C8orf34: variants seen among roughly 807,000 people sequenced by gnomAD.
C8orf34 encodes uncharacterized protein C8orf34.
Under a neutral mutation model 68.3 loss-of-function variants are expected in C8orf34, and 65 were observed. That is an observed-to-expected ratio of 0.95 (90% CI 0.78 to 1.17). C8orf34 has a LOEUF of 1.17. Ranked by LOEUF, C8orf34 falls within the 50% of genes most tolerant of loss-of-function variation. C8orf34 has a pLI of 0.00. For missense variants in C8orf34, 664 were observed against 655.4 expected, an observed-to-expected ratio of 1.01 and a Z score of -0.14; for synonymous variants, 244 against 241.2, an observed-to-expected ratio of 1.01 and a Z score of -0.11.
intron 7 of C8orf34, among the ~76,000 whole-genome samples, chr8:68,538,397 C>T (rs986340679): frequency 2.6e-5 from 4 of 151,134 alleles, no homozygotes. Context: ...GTGCTGGTGA[C>T]TACATATGAC....
At chr8:68,603,558 T>C (rs879738273) in intron 7 of C8orf34, among the ~76,000 whole-genome samples, 37,836 of 149,450 alleles carry the variant, frequency 0.25, 6,676 homozygotes, top group African/African-American at 0.5. Context: ...TCTATCTATC[T>C]ATCTATCTAT....
At chr8:68,792,197 A>G (rs573508653) in intron 12 of C8orf34, 1 of 152,296 alleles carries the variant, frequency 6.6e-6, no homozygotes, top group South Asian at 2.1e-4. Flanking sequence ...AGCAAATGCT[A>G]AAAACACTAG....
At chr8:68,768,568 CT>C (rs1823247950) in intron 10 of C8orf34, among the ~76,000 whole-genome samples, 1 of 152,182 alleles carries the variant, frequency 6.6e-6, no homozygotes, top group South Asian at 2.1e-4. Flanking sequence ...TGAAAAGTGA[CT>C]CTAGAATTAG....
At chr8:68,335,361 T>A (rs1585934196) in intron 1 of C8orf34, among the ~76,000 whole-genome samples, 1 of 152,356 alleles carries the variant, frequency 6.6e-6, no homozygotes, top group East Asian at 1.9e-4. Flanking sequence ...TTGGTAGTTA[T>A]AATATGTTCA....
At chr8:68,624,695 TACAGCAGCGA>T (rs5892153) in intron 7 of C8orf34, among the ~76,000 whole-genome samples, 72,202 of 151,644 alleles carry the variant, frequency 0.48, 18,071 homozygotes, top group Non-Finnish European at 0.55. Context: ...GAAATAGCGA[TACAGCAGCGA>T]ATATAGACAG....
chr8:68,661,607 A>C (rs1482618051), intron 8 of C8orf34, among the ~76,000 whole-genome samples: 2 of 152,212 alleles, frequency 1.3e-5, no homozygotes, highest in African/African-American at 4.8e-5. Flanking sequence ...CAGGGCTTTT[A>C]TATATAAGCT....
At chr8:68,495,941 G>A (rs1055460202) in intron 5 of C8orf34, among the ~76,000 whole-genome samples, 1 of 152,156 alleles carries the variant, frequency 6.6e-6, no homozygotes, top group African/African-American at 2.4e-5. Context: ...TAAATAACTA[G>A]CCAGAAATTA....
At chr8:68,455,890 A>C (rs1228386253) in intron 3 of C8orf34, among the ~76,000 whole-genome samples, 1 of 151,998 alleles carries the variant, frequency 6.6e-6, no homozygotes, top group Admixed American at 6.6e-5. Flanking sequence ...AAAAGACATA[A>C]ATATTTTAAT....
At chr8:68,693,215 T>C (rs963748188) in intron 8 of C8orf34, among the ~76,000 whole-genome samples, 1 of 152,096 alleles carries the variant, frequency 6.6e-6, no homozygotes, top group Admixed American at 6.6e-5. Context: ...AGGAAGGCTG[T>C]GGGTCTCAGC....
chr8:68,750,302 A>G (rs989557078), intron 10 of C8orf34, among the ~76,000 whole-genome samples: 11 of 152,206 alleles, frequency 7.2e-5, no homozygotes, highest in African/African-American at 2.7e-4. Context: ...TGCATGCTGC[A>G]ACATGGAAGA....
intron 7 of C8orf34, among the ~76,000 whole-genome samples, chr8:68,629,436 T>G (rs760324862): frequency 3.3e-5 from 5 of 152,212 alleles, no homozygotes; most frequent in Non-Finnish European, 5.9e-5. Context: ...TTTCTCTTCT[T>G]ACTCCTGGTC....
At chr8:68,462,373 A>G (rs1474693047) in intron 3 of C8orf34, among the ~76,000 whole-genome samples, 1 of 152,192 alleles carries the variant, frequency 6.6e-6, no homozygotes, top group Non-Finnish European at 1.5e-5. Flanking sequence ...TCAACATTAG[A>G]CACATCAATG....
At position 68,766,583 on chromosome 8, in the gene C8orf34, T is replaced by C. The variant is rs554746301; in HGVS notation, c.1405-9816T>C. On this transcript the variant is annotated intron_variant, in intron 10 of 13. Coordinates refer to ENST00000518698, the MANE Select transcript of C8orf34 (RefSeq NM_052958.4). ...AAGAATGTCATTTAACTACTTCTGC[T>C]GATATGTAACCAATAAGGAATACCA... Among the ~76,000 whole-genome samples the C allele has an allele frequency of 1.5e-3, 232 of 152,304 alleles. 3 individuals are homozygous for C. The highest frequency in any genetic ancestry group is 5.5e-3 in the African/African-American group (229 of 41,580).
chr8:68,607,946 G>T (rs190602629), intron 7 of C8orf34, among the ~76,000 whole-genome samples: 35 of 152,258 alleles, frequency 2.3e-4, no homozygotes, highest in Admixed American at 2.0e-3. Flanking sequence ...GACTTTGGAA[G>T]TCTGTGTGGT....
intron 10 of C8orf34, among the ~76,000 whole-genome samples, chr8:68,724,049 T>G (rs1821757733): frequency 6.6e-6 from 1 of 152,142 alleles, no homozygotes; most frequent in African/African-American, 2.4e-5. Flanking sequence ...AAACAATACA[T>G]GAATAAATGA....
At chr8:68,368,354 G>C (rs573961074) in intron 1 of C8orf34, among the ~76,000 whole-genome samples, 1 of 152,046 alleles carries the variant, frequency 6.6e-6, no homozygotes, top group Non-Finnish European at 1.5e-5. Context: ...CTGTCTAGTT[G>C]CTATAGCTTT....
intron 10 of C8orf34, among the ~76,000 whole-genome samples, chr8:68,770,323 T>G (rs2129528337): frequency 6.6e-6 from 1 of 152,322 alleles, no homozygotes; most frequent in Admixed American, 6.5e-5. Flanking sequence ...ATTAAAGCAT[T>G]TTAGAAAGAA....
intron 7 of C8orf34, among the ~76,000 whole-genome samples, chr8:68,626,179 A>AAT (rs1409361586): frequency 2.0e-5 from 3 of 152,154 alleles, no homozygotes; most frequent in Non-Finnish European, 4.4e-5. Flanking sequence ...AGGTATGCAA[A>AAT]ATTAAGGGTT....
chr8:68,696,532 T>C (rs2130921904), intron 8 of C8orf34, among the ~76,000 whole-genome samples: 1 of 151,760 alleles, frequency 6.6e-6, no homozygotes, highest in South Asian at 2.1e-4. Flanking sequence ...CAAAAGGAAT[T>C]GATGATTCAG....
Sources: gnomAD v4.1 joint callset for allele counts (sites outside exome capture counted in the v4.1 genomes callset) on GRCh38, gnomAD v4.1.1 for gene constraint, MANE v1.5 for transcripts, NCBI Gene and HGNC (gene_info 2026-07-23, HGNC 2026-07-21) for gene names.